ARHGAP12: variants seen among roughly 807,000 people sequenced by gnomAD.
ARHGAP12 encodes the protein Rho GTPase activating protein 12, also known as rho GTPase-activating protein 12.
In ARHGAP12, 64 loss-of-function variants were observed where a neutral mutation model predicts 108.6. The ratio of observed to expected loss-of-function variants is 0.59; its 90% CI spans 0.48 to 0.73. ARHGAP12 has a LOEUF of 0.73. Among genes scored for constraint, ARHGAP12 ranks in the 30% least tolerant of loss-of-function variants. ARHGAP12 has a pLI of 0.00. For missense variants in ARHGAP12, 940 were observed against 1,005.9 expected (o/e 0.93, Z 0.89); for synonymous variants, 312 against 337.2 (o/e 0.93, Z 0.82).
At chr10:31,816,108 GCCATTGC>G (rs1564367002) in intron 13 of ARHGAP12, among the ~76,000 whole-genome samples, 1 of 151,530 alleles carries the variant, frequency 6.6e-6, no homozygotes, top group Non-Finnish European at 1.5e-5. Context: ...CTAAGATCAT[GCCATTGC>G]ACTCCAGCCT....
chr10:31,894,717 G>A (rs374663255), intron 3 of ARHGAP12, among the ~76,000 whole-genome samples: 6 of 152,244 alleles, frequency 3.9e-5, no homozygotes, highest in Admixed American at 3.3e-4. Flanking sequence ...CAAGCTACCA[G>A]TGACTTTCTT....
chr10:31,916,954 G>A (rs1839583064), intron 1 of ARHGAP12, among the ~76,000 whole-genome samples: 2 of 152,110 alleles, frequency 1.3e-5, no homozygotes, highest in Non-Finnish European at 1.5e-5. Context: ...TACAATTTAA[G>A]TCCAATCCAG....
intron 7 of ARHGAP12, among the ~76,000 whole-genome samples, chr10:31,840,476 C>A (rs1005037569): frequency 4.0e-5 from 6 of 151,838 alleles, no homozygotes; most frequent in Admixed American, 1.3e-4. Flanking sequence ...GTAGCAGTAG[C>A]CCACCTCCAC....
intron 4 of ARHGAP12, 50 bp from the exon 5 acceptor site, chr10:31,854,256 G>T (rs187630401): frequency 4.1e-6 from 6 of 1,472,358 alleles, no homozygotes; most frequent in Middle Eastern, 1.8e-4. Flanking sequence ...ATATAAATAT[G>T]AATTGGTTGA....
At chr10:31,874,128 CTAAACT>C (rs1837638633) in intron 3 of ARHGAP12, among the ~76,000 whole-genome samples, 1 of 152,074 alleles carries the variant, frequency 6.6e-6, no homozygotes, top group African/African-American at 2.4e-5. Context: ...ATGAATAAAT[CTAAACT>C]TAGAAGGTGA....
Position 31,808,690 on chromosome 10 carries a change from T to TG in ARHGAP12, c.2324dup (p.Asn776LysfsTer46). 6.2e-7 allele frequency: 1 copy of TG among 1,613,846 alleles called. No homozygotes were observed. Among genetic ancestry groups the TG allele is most frequent in the Non-Finnish European group, 8.5e-7 (1 of 1,179,760 alleles). Reference sequence around the variant, plus strand: ...AAAGAATCTGCATTGTGTCTTGGTTTGGCTTTGGCAACTGTCTGATTAGGT... The same window carrying TG: ...AAAGAATCTGCATTGTGTCTTGGTTTGGGCTTTGGCAACTGTCTGATTAGGT... On this transcript the variant is annotated frameshift_variant, in exon 19 of 20. Coordinates refer to ENST00000344936, the MANE Select transcript of ARHGAP12 (RefSeq NM_018287.7). LOFTEE classifies it high-confidence loss of function.
chr10:31,899,977 A>G (rs1838854064), intron 3 of ARHGAP12, among the ~76,000 whole-genome samples: 2 of 152,226 alleles, frequency 1.3e-5, no homozygotes, highest in Non-Finnish European at 2.9e-5. Context: ...ACATCTGATT[A>G]AAGAATTTAC....
intron 3 of ARHGAP12, among the ~76,000 whole-genome samples, chr10:31,871,865 T>C (rs1273588257): frequency 1.3e-5 from 2 of 152,162 alleles, no homozygotes; most frequent in African/African-American, 4.8e-5. Flanking sequence ...AGGAAGTTTA[T>C]TACAGGCAAA....
intron 1 of ARHGAP12, among the ~76,000 whole-genome samples, chr10:31,922,056 T>C (rs1304898807): frequency 5.3e-5 from 8 of 150,638 alleles, no homozygotes; most frequent in Non-Finnish European, 3.0e-5. Context: ...CCGGGTGTGG[T>C]TGGCATGTGC....
chr10:31,813,297 C>T (rs998452194), intron 14 of ARHGAP12, among the ~76,000 whole-genome samples: 3 of 151,850 alleles, frequency 2.0e-5, no homozygotes, highest in Non-Finnish European at 4.4e-5. Context: ...GACATATAAC[C>T]ATCATAACTA....
At chr10:31,831,377 A>G (rs1835827116) in intron 10 of ARHGAP12, among the ~76,000 whole-genome samples, 2 of 152,128 alleles carry the variant, frequency 1.3e-5, no homozygotes, top group South Asian at 4.1e-4. Context: ...GAGACTTAAC[A>G]CTGATTGCCT....
intron 1 of ARHGAP12, among the ~76,000 whole-genome samples, chr10:31,912,279 T>C (rs1017556483): frequency 1.3e-5 from 2 of 152,196 alleles, no homozygotes; most frequent in Non-Finnish European, 2.9e-5. Context: ...CAGCTACTTT[T>C]CAAAAGGTTA....
chr10:31,855,218 AT>A (rs1430354752), intron 4 of ARHGAP12, among the ~76,000 whole-genome samples: 1 of 152,118 alleles, frequency 6.6e-6, no homozygotes, highest in Non-Finnish European at 1.5e-5. Context: ...AGGGAAGCGA[AT>A]TAGAAGACTG....
chr10:31,903,367 T>C (rs11008686), intron 3 of ARHGAP12, among the ~76,000 whole-genome samples: 394 of 152,336 alleles, frequency 2.6e-3, no homozygotes, highest in African/African-American at 8.8e-3. Flanking sequence ...TCATCATTCA[T>C]GCAGTCCATC....
At chr10:31,837,964 G>A (rs1231308848) in intron 9 of ARHGAP12, among the ~76,000 whole-genome samples, 3 of 151,936 alleles carry the variant, frequency 2.0e-5, no homozygotes, top group African/African-American at 7.2e-5. Flanking sequence ...CTGTCTGGTG[G>A]GGAAGACAGA....
At chr10:31,827,336 C>T (rs950471750) in intron 10 of ARHGAP12, among the ~76,000 whole-genome samples, 4 of 152,074 alleles carry the variant, frequency 2.6e-5, no homozygotes, top group Non-Finnish European at 4.4e-5. Context: ...TAGCACAGTA[C>T]TTTTCAAACA....
At position 31,807,462 on chromosome 10, in the gene ARHGAP12, A is replaced by C. The variant is rs538781994; in HGVS notation, c.*196T>G. On this transcript the variant is annotated 3_prime_UTR_variant, in exon 20 of 20. Transcript: ENST00000344936. ...AATGAATTCATAATTACACGCAGTT[A>C]TATCAACTTGCAACAAAGCAGCAAA... 2 of 449,396 alleles carry C rather than the reference A, an allele frequency of 4.5e-6. No individual in the cohort carries two copies. Among genetic ancestry groups the C allele is most frequent in the Non-Finnish European group, 7.8e-6 (2 of 256,022 alleles). 27.8% of individuals were successfully genotyped at this position (449,396 alleles called of 1,614,324 possible).
At chr10:31,873,860 G>A (rs1007678745) in intron 3 of ARHGAP12, among the ~76,000 whole-genome samples, 2 of 152,300 alleles carry the variant, frequency 1.3e-5, no homozygotes, top group East Asian at 1.9e-4. Flanking sequence ...GTAAAGCAAA[G>A]AAAATTCAAT....
intron 11 of ARHGAP12, among the ~76,000 whole-genome samples, chr10:31,823,004 G>A (rs1835472233): frequency 6.6e-6 from 1 of 152,014 alleles, no homozygotes; most frequent in South Asian, 2.1e-4. Flanking sequence ...ATGAATGTTT[G>A]AATAACTACC....
Sources: gnomAD v4.1 joint callset for allele counts (sites outside exome capture counted in the v4.1 genomes callset) on GRCh38, gnomAD v4.1.1 for gene constraint, MANE v1.5 for transcripts, NCBI Gene and HGNC (gene_info 2026-07-23, HGNC 2026-07-21) for gene names.